The following LRRC69 variants were observed in gnomAD, a reference collection of about 807,000 sequenced individuals.
LRRC69 encodes leucine rich repeat containing 69, also known as leucine-rich repeat-containing protein 69.
Under a neutral mutation model 37.8 loss-of-function variants are expected in LRRC69, and 42 were observed. The ratio of observed to expected loss-of-function variants is 1.11; its 90% CI spans 0.87 to 1.44. LRRC69 has a LOEUF of 1.44. Ranked by LOEUF, LRRC69 falls within the 40% of genes most tolerant of loss-of-function variation. The pLI is 0.00. For missense variants in LRRC69, 357 were observed against 401.9 expected (o/e 0.89, Z 0.96); for synonymous variants, 141 against 143.1 (o/e 0.99, Z 0.11).
At chr8:91,192,886 A>G (rs1317610369) in intron 6 of LRRC69, among the ~76,000 whole-genome samples, 2 of 151,904 alleles carry the variant, frequency 1.3e-5, no homozygotes, top group Non-Finnish European at 2.9e-5. Flanking sequence ...TTTTGTTGCC[A>G]TTGCTTTTGG....
exon 1 of LRRC69, chr8:91,102,834 A>T: frequency 1.3e-6 from 2 of 1,544,580 alleles, no homozygotes; most frequent in Non-Finnish European, 8.7e-7. Context: ...GAGTTATGCA[A>T]CTTGACCCAG....
chr8:91,204,286 G>A (rs1231162991), intron 7 of LRRC69, among the ~76,000 whole-genome samples: 3 of 152,126 alleles, frequency 2.0e-5, no homozygotes, highest in Non-Finnish European at 4.4e-5. Context: ...ATAACAAAAA[G>A]TTGAATATAA....
chr8:91,131,188 T>C (rs1813802132), intron 3 of LRRC69, among the ~76,000 whole-genome samples: 1 of 151,892 alleles, frequency 6.6e-6, no homozygotes, highest in Admixed American at 6.6e-5. Context: ...ATAGTTTGGC[T>C]ATTCTAGGTC....
At chr8:91,180,665 TC>T (rs1259329786) in intron 5 of LRRC69, among the ~76,000 whole-genome samples, 3 of 152,096 alleles carry the variant, frequency 2.0e-5, no homozygotes, top group Admixed American at 6.6e-5. Context: ...CTTTTTGAGC[TC>T]TGTAGGCTGA....
intron 7 of LRRC69, among the ~76,000 whole-genome samples, chr8:91,204,603 T>G (rs1809768155): frequency 6.6e-6 from 1 of 152,254 alleles, no homozygotes; most frequent in Admixed American, 6.5e-5. Context: ...AAGTATGCTA[T>G]GTTCCCAAGG....
At chr8:91,202,363 CT>C (rs979329726) in intron 7 of LRRC69, among the ~76,000 whole-genome samples, 65 of 152,266 alleles carry the variant, frequency 4.3e-4, no homozygotes, top group African/African-American at 1.5e-3. Flanking sequence ...AACAAGGTGA[CT>C]TTTGGGGGCA....
chr8:91,112,404 G>A (rs780184561), intron 1 of LRRC69, among the ~76,000 whole-genome samples: 6 of 151,976 alleles, frequency 3.9e-5, no homozygotes, highest in Non-Finnish European at 7.4e-5. Context: ...CAGCAGCACT[G>A]CAGCACCTTT....
At chr8:91,113,542 A>G (rs1043952699) in intron 1 of LRRC69, among the ~76,000 whole-genome samples, 7 of 152,064 alleles carry the variant, frequency 4.6e-5, no homozygotes, top group African/African-American at 1.4e-4. Flanking sequence ...CTTATCTCAT[A>G]TGGTATACAA....
intron 6 of LRRC69, among the ~76,000 whole-genome samples, chr8:91,199,536 T>A (rs1240983397): frequency 6.6e-6 from 1 of 152,122 alleles, no homozygotes; most frequent in Non-Finnish European, 1.5e-5. Flanking sequence ...TTAAATTAAT[T>A]TCATGCATGG....
chr8:91,178,755 G>A (rs2130595210), intron 5 of LRRC69, among the ~76,000 whole-genome samples: 1 of 152,282 alleles, frequency 6.6e-6, no homozygotes, highest in African/African-American at 2.4e-5. Flanking sequence ...TTATTTGAAG[G>A]GACCTTAGGA....
intron 7 of LRRC69, among the ~76,000 whole-genome samples, chr8:91,210,785 G>C: frequency 8.5e-6 from 1 of 117,492 alleles, no homozygotes; most frequent in Non-Finnish European, 1.9e-5. Context: ...AAACATAATG[G>C]TTAAAAGAGA....
intron 5 of LRRC69, among the ~76,000 whole-genome samples, chr8:91,184,269 A>G (rs1470692299): frequency 1.3e-5 from 2 of 151,918 alleles, no homozygotes; most frequent in African/African-American, 4.8e-5. Context: ...ACAGAGTAAA[A>G]CCCCACCCAC....
chr8:91,157,859 G>A (rs1808864259), intron 5 of LRRC69: 1 of 1,603,706 alleles, frequency 6.2e-7, no homozygotes, highest in Non-Finnish European at 8.5e-7. Context: ...AGAGCAGAAT[G>A]TTTCAAATGC....
rs978017937 is a variant in LRRC69 at position 91,146,997 on chromosome 8, G to C, written c.651+11258G>C. 4.6e-5 allele frequency among the ~76,000 whole-genome samples: 7 copies of C among 151,434 alleles called. No homozygotes were observed. The Admixed American group carries it at 4.6e-4, about 10-fold the overall frequency. ...GGCCCAAAATGTCCATGTTGAGATT[G>C]AGAAACTAGTTTACATTCCTACCAA... On this transcript the variant is annotated intron_variant, in intron 5 of 7. Transcript: ENST00000448384.
intron 1 of LRRC69, among the ~76,000 whole-genome samples, chr8:91,116,904 T>C (rs779449815): frequency 2.6e-5 from 4 of 152,098 alleles, no homozygotes; most frequent in Non-Finnish European, 4.4e-5. Flanking sequence ...TCACTATACA[T>C]TGAACCTAGA....
chr8:91,190,985 G>A (rs1041212442), intron 6 of LRRC69, among the ~76,000 whole-genome samples: 1 of 149,900 alleles, frequency 6.7e-6, no homozygotes, highest in Non-Finnish European at 1.5e-5. Flanking sequence ...TCTGCAATGA[G>A]TTGGGTTCAT....
At chr8:91,198,705 A>G (rs893618790) in intron 6 of LRRC69, among the ~76,000 whole-genome samples, 13 of 152,152 alleles carry the variant, frequency 8.5e-5, no homozygotes, top group Non-Finnish European at 1.3e-4. Context: ...AAATATTTTT[A>G]TAGACCACTT....
intron 4 of LRRC69, among the ~76,000 whole-genome samples, chr8:91,135,059 G>A (rs1350902531): frequency 6.6e-6 from 1 of 152,072 alleles, no homozygotes; most frequent in African/African-American, 2.4e-5. Flanking sequence ...ATGCTATGAA[G>A]TGTTTTCAAG....
chr8:91,182,243 GA>G (rs1464800294), intron 5 of LRRC69, among the ~76,000 whole-genome samples: 1 of 151,938 alleles, frequency 6.6e-6, no homozygotes, highest in Admixed American at 6.6e-5. Context: ...TGATTTAAAA[GA>G]TTTTTTTAAA....
Sources: gnomAD v4.1 joint callset for allele counts (sites outside exome capture counted in the v4.1 genomes callset) on GRCh38, gnomAD v4.1.1 for gene constraint, MANE v1.5 for transcripts, NCBI Gene and HGNC (gene_info 2026-07-23, HGNC 2026-07-21) for gene names.